The following EMID1 variants were observed in gnomAD, a reference collection of about 807,000 sequenced individuals.
EMID1 encodes the protein EMI domain containing 1.
In EMID1, 40 loss-of-function variants were observed where a neutral mutation model predicts 60.6. The ratio of observed to expected loss-of-function variants is 0.66; its 90% CI spans 0.51 to 0.86. The LOEUF is 0.86. Ranked by LOEUF, EMID1 falls within the 40% of genes least tolerant of loss-of-function variation. The probability of loss-of-function intolerance (pLI) is 0.00; values close to 1 mark genes in which losing one functional copy is unlikely to be tolerated. For missense variants in EMID1, 585 were observed against 597.1 expected (o/e 0.98, Z 0.21); for synonymous variants, 242 against 231.0 (o/e 1.05, Z -0.43).
chr22:29,254,785 C>T (rs3765303), intron 14 of EMID1: 9,743 of 172,438 alleles, frequency 0.057, 391 homozygotes, highest in Non-Finnish European at 0.073. Context: ...GAGTCAGGCC[C>T]GCAGGACAAT....
intron 13 of EMID1, among the ~76,000 whole-genome samples, chr22:29,248,055 G>A (rs1043998137): frequency 6.6e-6 from 1 of 150,506 alleles, no homozygotes; most frequent in African/African-American, 2.4e-5. Context: ...GGGTTCAAGC[G>A]ATTCTCATTG....
At chr22:29,212,307 A>T (rs564441886) in intron 1 of EMID1, among the ~76,000 whole-genome samples, 48 of 151,440 alleles carry the variant, frequency 3.2e-4, no homozygotes, top group South Asian at 6.3e-4. Flanking sequence ...ATTAAAAAAA[A>T]TTTTTTTATA....
In EMID1 at chr22:29,253,771, A is replaced by G. The variant is rs1187334834; in HGVS notation, c.1120-432A>G. ...AATGTGGTGATTTAAAGCAAAAAGAATGTGAAGTAAATAAGCATATAGGTG... is the reference window on the plus strand; with the variant it reads ...AATGTGGTGATTTAAAGCAAAAAGAGTGTGAAGTAAATAAGCATATAGGTG... On this transcript the variant is annotated intron_variant, in intron 13 of 14. Coordinates refer to ENST00000334018, the MANE Select transcript of EMID1 (RefSeq NM_133455.4). Among the ~76,000 whole-genome samples, 4 of 152,214 alleles carry G rather than the reference A, an allele frequency of 2.6e-5. No homozygotes were observed. In the East Asian group the frequency reaches 7.7e-4, roughly 29 times the overall value.
intron 1 of EMID1, among the ~76,000 whole-genome samples, 174 bp from the exon 2 acceptor site, chr22:29,214,752 C>T (rs2040019504): frequency 6.6e-6 from 1 of 152,152 alleles, no homozygotes; most frequent in Non-Finnish European, 1.5e-5. Flanking sequence ...CCCTCAGCCA[C>T]AGGGACTCCC....
Position 29,259,312 on chromosome 22 carries a change from T to C in EMID1, c.*368T>C. On this transcript the variant is annotated 3_prime_UTR_variant, in exon 15 of 15. Transcript: ENST00000334018. ...GAGATGACAGGGCAGGGGGCAGTCTTCCTCCCCCTCCCCGACCAAACCTCG... is the reference window on the plus strand; with the variant it reads ...GAGATGACAGGGCAGGGGGCAGTCTCCCTCCCCCTCCCCGACCAAACCTCG... 8.2e-6 allele frequency: 2 copies of C among 243,188 alleles called. No homozygotes were observed. Among genetic ancestry groups the C allele is most frequent in the South Asian group, 5.2e-5 (1 of 19,352 alleles). The allele number at this position is 243,188 out of a possible 1,614,324, so 15.1% of individuals were successfully genotyped here.
chr22:29,249,644 C>G (rs2041454128), intron 13 of EMID1, among the ~76,000 whole-genome samples: 1 of 148,954 alleles, frequency 6.7e-6, no homozygotes, highest in African/African-American at 2.5e-5. Context: ...GATGGAGTTT[C>G]ACTCTTGTTG....
intron 3 of EMID1, among the ~76,000 whole-genome samples, chr22:29,222,286 G>T (rs1217264646): frequency 6.6e-6 from 1 of 151,908 alleles, no homozygotes; most frequent in African/African-American, 2.4e-5. Context: ...TAGAGACAGA[G>T]TTTTGCCATG....
chr22:29,226,181 C>T (rs368644047), intron 4 of EMID1, among the ~76,000 whole-genome samples: 255 of 152,324 alleles, frequency 1.7e-3, no homozygotes, highest in Non-Finnish European at 3.1e-3. Flanking sequence ...TGGCCCCCGC[C>T]CCATTGCCAT....
chr22:29,229,512 G>A (rs948261716), intron 5 of EMID1, among the ~76,000 whole-genome samples: 5 of 151,876 alleles, frequency 3.3e-5, no homozygotes, highest in Admixed American at 1.3e-4. Context: ...GCTTGGTGGC[G>A]CATGCCTGTA....
At chr22:29,220,928 G>A (rs1209251882) in intron 3 of EMID1, among the ~76,000 whole-genome samples, 1 of 152,106 alleles carries the variant, frequency 6.6e-6, no homozygotes, top group Non-Finnish European at 1.5e-5. Flanking sequence ...GTCAAGATGT[G>A]GAGGTCAAGA....
chr22:29,255,374 CG>C (rs1248496489), intron 14 of EMID1: 1 of 1,455,190 alleles, frequency 6.9e-7, no homozygotes. Flanking sequence ...AATGGCAGGG[CG>C]GGCAGGCAGG....
chr22:29,236,570 A>G (rs2146330320), intron 12 of EMID1, among the ~76,000 whole-genome samples: 1 of 151,942 alleles, frequency 6.6e-6, no homozygotes, highest in South Asian at 2.1e-4. Context: ...GCACTCCTGT[A>G]ATCCCAGCTA....
chr22:29,212,087 A>T (rs2039907991), intron 1 of EMID1, among the ~76,000 whole-genome samples: 1 of 151,816 alleles, frequency 6.6e-6, no homozygotes, highest in African/African-American at 2.4e-5. Context: ...CCGGGTTCAA[A>T]CAATTCTCCT....
chr22:29,258,987 T>G lies in EMID1; in HGVS notation c.*43T>G. Reference sequence around the variant, plus strand: ...GAGGCAGACCAGGCCAGGCTTCCCCTCCTACCTGGACTCGGCCAGCTGCCT... The same window carrying G: ...GAGGCAGACCAGGCCAGGCTTCCCCGCCTACCTGGACTCGGCCAGCTGCCT... On this transcript the variant is annotated 3_prime_UTR_variant, in exon 15 of 15. Transcript: ENST00000334018. 1 of 1,591,990 alleles carries G rather than the reference T, an allele frequency of 6.3e-7. No individual in the cohort carries two copies. Among genetic ancestry groups the G allele is most frequent in the Non-Finnish European group, 8.5e-7 (1 of 1,170,372 alleles).
chr22:29,239,193 C>T lies in EMID1; in HGVS notation c.1075-4252C>T, dbSNP rs531433301. On this transcript the variant is annotated intron_variant, in intron 12 of 14. Transcript: ENST00000334018. Reference sequence around the variant, plus strand: ...TCTTTCCTCAGCCATGTCCAGTCCACGAATAAGCCCATCAATGGCATTCTT... The same window carrying T: ...TCTTTCCTCAGCCATGTCCAGTCCATGAATAAGCCCATCAATGGCATTCTT... Among the ~76,000 whole-genome samples the T allele has an allele frequency of 4.8e-4, 69 of 144,978 alleles. 3 individuals are homozygous for T. The highest frequency in any genetic ancestry group is 3.5e-3 in the Middle Eastern group (1 of 286).
chr22:29,258,816 G>A lies in EMID1; in HGVS notation c.1205-1G>A. The A allele has an allele frequency of 6.2e-7, 1 of 1,613,104 alleles. No individual in the cohort carries two copies. On this transcript the variant is annotated splice_acceptor_variant, in intron 14 of 14. Coordinates refer to ENST00000334018, the MANE Select transcript of EMID1 (RefSeq NM_133455.4). LOFTEE classifies it high-confidence loss of function. ...GCCTCTCTCCTTCTTCCCTCCGGCA[G>A]AACCAGAGCTGGGGTCTGGGGCGGG...
At position 29,234,117 on chromosome 22, in the gene EMID1, G is replaced by A. The variant is rs767005037; in HGVS notation, c.967-20G>A. Reference sequence around the variant, plus strand: ...CCATCCTGCCCCAACACAAGGCTGAGGCCCTGTCTTGTTGCTCAGGGACCC... The same window carrying A: ...CCATCCTGCCCCAACACAAGGCTGAAGCCCTGTCTTGTTGCTCAGGGACCC... On this transcript the variant is annotated intron_variant, in intron 10 of 14. Coordinates refer to ENST00000334018, the MANE Select transcript of EMID1 (RefSeq NM_133455.4). 1.0e-5 allele frequency: 16 copies of A among 1,569,356 alleles called. No individual in the cohort carries two copies. The East Asian group carries it at 2.8e-4, about 28-fold the overall frequency.
At chr22:29,254,361 G>A in intron 14 of EMID1, 74 bp downstream of exon 14, 1 of 1,430,688 alleles carries the variant, frequency 7.0e-7, no homozygotes, top group Non-Finnish European at 9.8e-7. Context: ...TCCTGGGGTG[G>A]AACTGGCCTG....
At position 29,234,312 on chromosome 22, in the gene EMID1, G is replaced by A. The variant is rs541536349; in HGVS notation, c.1037G>A (p.Arg346His). 38 of 1,613,976 alleles carry A rather than the reference G, an allele frequency of 2.4e-5. No individual in the cohort carries two copies. The highest frequency in any genetic ancestry group is 2.2e-4 in the South Asian group (20 of 91,054). Residue 346 changes from arginine (R) to histidine (H), a missense_variant, in exon 12 of 15, where the codon CGT becomes CAT. Arg to His is a conservative substitution (Grantham distance 29). Transcript: ENST00000334018. Reference sequence around the variant, plus strand: ...CTCCTCCCTCTTACACAGGGACTGCGTGGGGAGCCTGGCCCCCAAGGCTCT... The same window carrying A: ...CTCCTCCCTCTTACACAGGGACTGCATGGGGAGCCTGGCCCCCAAGGCTCT... ...HPGEKGERGL[R>H]GEPGPQGSAG... is the part of the protein sequence containing the mutation.
Sources: gnomAD v4.1 joint callset for allele counts (sites outside exome capture counted in the v4.1 genomes callset) on GRCh38, gnomAD v4.1.1 for gene constraint, MANE v1.5 for transcripts, NCBI Gene and HGNC (gene_info 2026-07-23, HGNC 2026-07-21) for gene names.